Variants in SLC17A1 observed in about 807,000 individuals in gnomAD.
SLC17A1 encodes the protein sodium-dependent phosphate transport protein 1.
Under a neutral mutation model 53.5 loss-of-function variants are expected in SLC17A1, and 51 were observed. The ratio of observed to expected loss-of-function variants is 0.95; its 90% CI spans 0.76 to 1.20. The LOEUF (loss-of-function observed/expected upper bound fraction) is 1.20, where lower values mean the gene tolerates loss of function less well. Ranked by LOEUF, SLC17A1 falls within the 50% of genes most tolerant of loss-of-function variation. The pLI is 0.00. For missense variants in SLC17A1, 538 were observed against 568.2 expected (o/e 0.95, Z 0.54); for synonymous variants, 179 against 198.8 (o/e 0.90, Z 0.84).
chr6:25,820,303 C>T (rs1487533126), intron 3 of SLC17A1, among the ~76,000 whole-genome samples: 1 of 152,176 alleles, frequency 6.6e-6, no homozygotes, highest in African/African-American at 2.4e-5. Flanking sequence ...TGAATTTCCT[C>T]TTCCCTGTTT....
the SLC17A1 span, among the ~76,000 whole-genome samples, chr6:25,727,908 T>C: frequency 6.6e-6 from 1 of 151,996 alleles, no homozygotes; most frequent in South Asian, 2.1e-4. Flanking sequence ...TCCCAGCTAA[T>C]TGGGAGGCTG....
chr6:25,784,495 A>T (rs2151472030), intron 12 of SLC17A1, among the ~76,000 whole-genome samples: 1 of 152,228 alleles, frequency 6.6e-6, no homozygotes, highest in African/African-American at 2.4e-5. Flanking sequence ...GATGGGAGGT[A>T]CCACACACTG....
chr6:25,747,420 C>T, the SLC17A1 span, among the ~76,000 whole-genome samples: 13 of 152,322 alleles, frequency 8.5e-5, no homozygotes, highest in Admixed American at 8.5e-4. Context: ...CAGCCTTCAG[C>T]TCAACTGTCT....
chr6:25,771,299 C>T, the SLC17A1 span, among the ~76,000 whole-genome samples: 25 of 152,180 alleles, frequency 1.6e-4, no homozygotes, highest in East Asian at 2.9e-3. Flanking sequence ...TTAGGCTAGG[C>T]GTGGTAGCTC....
chr6:25,725,906 C>T, the SLC17A1 span, among the ~76,000 whole-genome samples: 1 of 152,100 alleles, frequency 6.6e-6, no homozygotes, highest in Non-Finnish European at 1.5e-5. Flanking sequence ...CATATATAAC[C>T]AAAATTACCT....
chr6:25,725,762 A>C, the SLC17A1 span, among the ~76,000 whole-genome samples: 1 of 152,068 alleles, frequency 6.6e-6, no homozygotes, highest in Non-Finnish European at 1.5e-5. Context: ...CACCAGACCC[A>C]GCTAGTTTCT....
At chr6:25,829,072 A>G in intron 2 of SLC17A1, among the ~76,000 whole-genome samples, 1 of 152,176 alleles carries the variant, frequency 6.6e-6, no homozygotes, top group East Asian at 1.9e-4. Context: ...GAAAGATGAA[A>G]TATTCAGGCC....
intron 12 of SLC17A1, among the ~76,000 whole-genome samples, chr6:25,796,665 G>T (rs1351577108): frequency 6.6e-6 from 1 of 151,980 alleles, no homozygotes; most frequent in African/African-American, 2.4e-5. Flanking sequence ...TTTGTTAACT[G>T]GCTATTTTTG....
intron 2 of SLC17A1, among the ~76,000 whole-genome samples, chr6:25,828,527 CTT>C (rs1282948088): frequency 6.6e-6 from 1 of 151,844 alleles, no homozygotes; most frequent in African/African-American, 2.4e-5. Context: ...TTAAGTTACT[CTT>C]TTATTTTAAG....
In SLC17A1 at chr6:25,826,473, C is replaced by T. The variant is rs761810709; in HGVS notation, c.195G>A (p.Leu65=). ...GLPNTSTKKL[L]DNIKNPMYNW... is the part of the protein sequence containing the mutation. ...ATTATTGATGTACCTTTATATTATCCAGGAGCTTCTTTGTGGAGGTGTTGG... is the reference window on the plus strand; with the variant it reads ...ATTATTGATGTACCTTTATATTATCTAGGAGCTTCTTTGTGGAGGTGTTGG... The change falls in exon 3 of 13, where the codon CTG becomes CTA. Residue 65 remains leucine, a synonymous_variant. Transcript: ENST00000244527. 30 of 1,602,538 alleles carry T rather than the reference C, an allele frequency of 1.9e-5. No individual in the cohort carries two copies. The highest frequency in any genetic ancestry group is 2.7e-5 in the African/African-American group (2 of 74,082).
intron 12 of SLC17A1, among the ~76,000 whole-genome samples, chr6:25,796,365 C>A (rs62392757): frequency 5.3e-5 from 8 of 151,906 alleles, no homozygotes; most frequent in Admixed American, 5.3e-4. Context: ...TTTGTGAGTA[C>A]ACCATTATGG....
chr6:25,775,220 T>C, the SLC17A1 span, among the ~76,000 whole-genome samples: 1 of 151,626 alleles, frequency 6.6e-6, no homozygotes, highest in East Asian at 2.0e-4. Flanking sequence ...TAGTCCCAGC[T>C]ACTTAGGAGG....
chr6:25,792,269 A>T (rs571707874), intron 12 of SLC17A1, among the ~76,000 whole-genome samples: 1 of 152,346 alleles, frequency 6.6e-6, no homozygotes, highest in South Asian at 2.1e-4. Flanking sequence ...TGAGAAATCA[A>T]CTACACTCAC....
the SLC17A1 span, among the ~76,000 whole-genome samples, chr6:25,727,635 C>T: frequency 6.6e-6 from 1 of 151,962 alleles, no homozygotes; most frequent in Non-Finnish European, 1.5e-5. Context: ...TGATCACCCA[C>T]CTCGGTCTCC....
chr6:25,826,840 C>T (rs1764766812), intron 2 of SLC17A1, among the ~76,000 whole-genome samples: 1 of 152,016 alleles, frequency 6.6e-6, no homozygotes, highest in Non-Finnish European at 1.5e-5. Flanking sequence ...GTATTTCCAG[C>T]TAGAAGTTCC....
chr6:25,779,670 G>T (rs1004011611), downstream of SLC17A1: 1 of 153,798 alleles, frequency 6.5e-6, no homozygotes, highest in African/African-American at 2.4e-5. Flanking sequence ...AGGAATGAAC[G>T]TGTCTGCAAC....
chr6:25,800,793 TCTC>T (rs1763733731), intron 11 of SLC17A1, 94 bp downstream of exon 11: 6 of 751,258 alleles, frequency 8.0e-6, no homozygotes, highest in Non-Finnish European at 4.5e-6. Context: ...TCATAAGTCA[TCTC>T]CTTCTGGCAT....
the SLC17A1 span, chr6:25,777,906 G>A: frequency 1.3e-6 from 2 of 1,597,160 alleles, no homozygotes; most frequent in Non-Finnish European, 1.7e-6. Context: ...TTATAATAGA[G>A]TACCATCTCT....
chr6:25,802,935 C>CTTTTTTTTTTTTTTTTTTTTTTTTTTT (rs34669145), intron 10 of SLC17A1, among the ~76,000 whole-genome samples: 2 of 46,062 alleles, frequency 4.3e-5, no homozygotes, highest in African/African-American at 9.0e-5. Flanking sequence ...CTATCTTCTT[C>CTTTTTTTTTTTTTTTTTTTTTTTTTTT]TTTTTTTTTT....
Sources: allele counts gnomAD v4.1 joint callset (sites outside exome capture counted in the v4.1 genomes callset), GRCh38; gene constraint gnomAD v4.1.1; transcripts MANE v1.5; gene names NCBI Gene and HGNC (gene_info 2026-07-23, HGNC 2026-07-21).